The following MDFIC variants were observed in gnomAD, a reference collection of about 807,000 sequenced individuals.
MDFIC encodes MyoD family inhibitor domain containing, also known as myoD family inhibitor domain-containing protein.
MDFIC carries 17 observed loss-of-function variants against 23.2 expected under a neutral mutation model. The ratio of observed to expected loss-of-function variants is 0.73; its 90% CI spans 0.50 to 1.10. The LOEUF (loss-of-function observed/expected upper bound fraction) is 1.10. Among genes scored for constraint, MDFIC ranks in the 50% least tolerant of loss-of-function variants. MDFIC has a pLI of 0.00. For synonymous variants in MDFIC, 120 were observed against 115.2 expected (o/e 1.04, Z -0.27); for missense variants, 356 against 316.6 (o/e 1.12, Z -0.95).
At chr7:114,948,671 G>GGCAGAGAGT (rs1490319129) in intron 3 of MDFIC, among the ~76,000 whole-genome samples, 3 of 151,578 alleles carry the variant, frequency 2.0e-5, no homozygotes, top group Non-Finnish European at 4.4e-5. Flanking sequence ...CTTTCTAACA[G>GGCAGAGAGT]ATGTGTGTAA....
intron 4 of MDFIC, among the ~76,000 whole-genome samples, chr7:115,006,060 G>A (rs35318020): frequency 0.079 from 11,953 of 152,236 alleles, 563 homozygotes; most frequent in South Asian, 0.15. Flanking sequence ...TGTCAGGGCT[G>A]GGGAGTGCAT....
chr7:114,948,489 GA>G (rs1327897193), intron 3 of MDFIC, among the ~76,000 whole-genome samples: 1 of 151,718 alleles, frequency 6.6e-6, no homozygotes, highest in Non-Finnish European at 1.5e-5. Flanking sequence ...CTACCCATAA[GA>G]AAAAAAATTC....
At chr7:114,936,949 T>C (rs1485689595) in intron 2 of MDFIC, among the ~76,000 whole-genome samples, 3 of 152,098 alleles carry the variant, frequency 2.0e-5, no homozygotes, top group African/African-American at 4.8e-5. Context: ...ACATATTAGT[T>C]GAGTGGCTAT....
At chr7:114,978,406 T>TG (rs1308521171) in intron 3 of MDFIC, among the ~76,000 whole-genome samples, 2 of 152,094 alleles carry the variant, frequency 1.3e-5, no homozygotes, top group African/African-American at 4.8e-5. Context: ...TCCACTTATT[T>TG]GGGTTTTTTC....
At chr7:114,937,986 G>C (rs533811496) in intron 2 of MDFIC, among the ~76,000 whole-genome samples, 2 of 151,834 alleles carry the variant, frequency 1.3e-5, no homozygotes, top group Non-Finnish European at 2.9e-5. Flanking sequence ...ATGGGATTTC[G>C]CTCTTGTTGC....
At chr7:115,014,589 A>G in intron 4 of MDFIC, 1 of 1,155,360 alleles carries the variant, frequency 8.7e-7, no homozygotes, top group South Asian at 1.5e-5. Context: ...GAATCTTCTT[A>G]TTAAAACTTA....
intron 4 of MDFIC, among the ~76,000 whole-genome samples, chr7:114,998,885 C>A (rs1333415037): frequency 6.6e-6 from 1 of 152,074 alleles, no homozygotes; most frequent in Non-Finnish European, 1.5e-5. Context: ...CAAAAGGGTA[C>A]CACTTATGTC....
chr7:114,979,025 G>C (rs1362020201), intron 3 of MDFIC, among the ~76,000 whole-genome samples: 1 of 151,940 alleles, frequency 6.6e-6, no homozygotes, highest in African/African-American at 2.4e-5. Flanking sequence ...TAAAAACACT[G>C]TATTTTTCTT....
At position 115,018,041 on chromosome 7, in the gene MDFIC, A is replaced by G. The variant is rs564735573; in HGVS notation, c.*2106A>G. The G allele has an allele frequency of 3.7e-4, 57 of 152,144 alleles. No homozygotes were observed. Among genetic ancestry groups the G allele is most frequent in the African/African-American group, 1.4e-3 (57 of 41,580 alleles). The allele number at this position is 152,144 out of a possible 1,614,324, so 9.4% of individuals were successfully genotyped here. ...ATCTTTCTTTTATTGCTATTTACACATACATACACACATACAAAACCTTTA... is the reference window on the plus strand; with the variant it reads ...ATCTTTCTTTTATTGCTATTTACACGTACATACACACATACAAAACCTTTA... On this transcript the variant is annotated 3_prime_UTR_variant, in exon 5 of 5. Coordinates refer to ENST00000393486, the MANE Select transcript of MDFIC (RefSeq NM_001166345.3).
chr7:114,986,890 C>T (rs921158106), intron 4 of MDFIC, among the ~76,000 whole-genome samples: 1 of 152,184 alleles, frequency 6.6e-6, no homozygotes, highest in Admixed American at 6.6e-5. Flanking sequence ...CTGTCTTACT[C>T]ATCTTTTAAT....
At chr7:114,953,321 G>C (rs377485635) in intron 3 of MDFIC, among the ~76,000 whole-genome samples, 1 of 151,948 alleles carries the variant, frequency 6.6e-6, no homozygotes, top group African/African-American at 2.4e-5. Flanking sequence ...CAAAAAAATA[G>C]GTATATATCA....
At chr7:114,992,116 T>G (rs1791181990) in intron 4 of MDFIC, among the ~76,000 whole-genome samples, 1 of 152,240 alleles carries the variant, frequency 6.6e-6, no homozygotes, top group African/African-American at 2.4e-5. Flanking sequence ...GAAGCAATTG[T>G]GAATGGGAGT....
intron 3 of MDFIC, among the ~76,000 whole-genome samples, chr7:114,967,923 G>A (rs1475030133): frequency 6.7e-6 from 1 of 148,722 alleles, no homozygotes; most frequent in South Asian, 2.1e-4. Context: ...AGACCTCCCA[G>A]TCTCAAGTGA....
At chr7:114,934,231 G>A (rs183925182) in intron 2 of MDFIC, among the ~76,000 whole-genome samples, 2 of 152,276 alleles carry the variant, frequency 1.3e-5, no homozygotes, top group African/African-American at 2.4e-5. Context: ...TATTGTTGGG[G>A]TAAGGTACAG....
At chr7:114,972,505 G>T (rs1009759833) in intron 3 of MDFIC, among the ~76,000 whole-genome samples, 2 of 152,138 alleles carry the variant, frequency 1.3e-5, no homozygotes, top group Non-Finnish European at 2.9e-5. Context: ...TTACATAATG[G>T]TCTTCAAATG....
intron 4 of MDFIC, among the ~76,000 whole-genome samples, chr7:114,993,498 A>G (rs1791238152): frequency 6.6e-6 from 1 of 152,112 alleles, no homozygotes; most frequent in South Asian, 2.1e-4. Flanking sequence ...AGTGTTATAA[A>G]TTTCCCTTTA....
At chr7:114,972,401 T>C (rs900048092) in intron 3 of MDFIC, among the ~76,000 whole-genome samples, 1 of 152,058 alleles carries the variant, frequency 6.6e-6, no homozygotes, top group Non-Finnish European at 1.5e-5. Flanking sequence ...CCCACCCCAC[T>C]CTACCACCCC....
At position 114,978,498 on chromosome 7, in the gene MDFIC, G is replaced by A. The variant is rs974474095; in HGVS notation, c.218-1008G>A. On this transcript the variant is annotated intron_variant, in intron 3 of 4. Coordinates refer to ENST00000393486, the MANE Select transcript of MDFIC (RefSeq NM_001166345.3). The stretch of plus-strand genomic sequence containing the variant: ...CTAGTTTAATTCCAAAATACGTATA[G>A]CATCTTTTGTTTGTTTGTTGGCTTG... Among the ~76,000 whole-genome samples, 4 of 151,834 alleles carry A rather than the reference G, an allele frequency of 2.6e-5. No individual in the cohort carries two copies. In the East Asian group the frequency reaches 5.8e-4, roughly 22 times the overall value.
At chr7:114,944,543 T>C (rs1792608217) in intron 3 of MDFIC, among the ~76,000 whole-genome samples, 1 of 152,190 alleles carries the variant, frequency 6.6e-6, no homozygotes, top group Non-Finnish European at 1.5e-5. Flanking sequence ...CAATTCTGGA[T>C]AGCATTTGAA....
Sources: allele counts gnomAD v4.1 joint callset (sites outside exome capture counted in the v4.1 genomes callset), GRCh38; gene constraint gnomAD v4.1.1; transcripts MANE v1.5; gene names NCBI Gene and HGNC (gene_info 2026-07-23, HGNC 2026-07-21).